HCN1: variants seen among roughly 807,000 people sequenced by gnomAD.
HCN1 encodes hyperpolarization activated cyclic nucleotide gated potassium channel 1.
HCN1 carries 13 observed loss-of-function variants against 78.9 expected under a neutral mutation model. That is an observed-to-expected ratio of 0.16 (90% CI 0.11 to 0.26). HCN1 has a LOEUF of 0.26. Among genes scored for constraint, HCN1 ranks in the 10% least tolerant of loss-of-function variants. The pLI is 1.00. For synonymous variants in HCN1, 552 were observed against 455.5 expected (o/e 1.21, Z -2.70); for missense variants, 810 against 1,154.3 (o/e 0.70, Z 4.32).
intron 2 of HCN1, among the ~76,000 whole-genome samples, chr5:45,583,969 T>C (rs1194446268): frequency 2.6e-5 from 4 of 152,202 alleles, no homozygotes; most frequent in African/African-American, 4.8e-5. Flanking sequence ...AATTTTGGAA[T>C]AGGTGTGGTG....
intron 4 of HCN1, among the ~76,000 whole-genome samples, chr5:45,364,848 G>A (rs1487501832): frequency 1.3e-5 from 2 of 152,056 alleles, no homozygotes; most frequent in Non-Finnish European, 2.9e-5. Flanking sequence ...CAAGATTCTA[G>A]ATGATGCTAA....
At chr5:45,423,797 T>C (rs1345942982) in intron 3 of HCN1, among the ~76,000 whole-genome samples, 1 of 152,140 alleles carries the variant, frequency 6.6e-6, no homozygotes, top group East Asian at 1.9e-4. Flanking sequence ...ACATCTAAAC[T>C]CCAAAATATC....
chr5:45,451,872 A>G (rs1212320179), intron 3 of HCN1, among the ~76,000 whole-genome samples: 1 of 152,084 alleles, frequency 6.6e-6, no homozygotes, highest in Non-Finnish European at 1.5e-5. Context: ...TCAGGATTTT[A>G]GATTATCACA....
chr5:45,527,645 C>T (rs1464684638), intron 2 of HCN1, among the ~76,000 whole-genome samples: 3 of 151,584 alleles, frequency 2.0e-5, no homozygotes, highest in Non-Finnish European at 4.4e-5. Flanking sequence ...CTCTCACACA[C>T]TGACATTCAC....
intron 6 of HCN1, among the ~76,000 whole-genome samples, chr5:45,295,856 G>A (rs149638438): frequency 4.6e-5 from 7 of 152,086 alleles, no homozygotes; most frequent in Admixed American, 4.6e-4. Flanking sequence ...TGTTATTGAT[G>A]TCAAGATTTC....
chr5:45,625,841 T>C (rs1243042348), intron 2 of HCN1, among the ~76,000 whole-genome samples: 1 of 152,176 alleles, frequency 6.6e-6, no homozygotes, highest in Non-Finnish European at 1.5e-5. Context: ...ATTCATTGTC[T>C]TATTAGGACA....
At chr5:45,489,658 C>A (rs1255651449) in intron 2 of HCN1, among the ~76,000 whole-genome samples, 1 of 152,100 alleles carries the variant, frequency 6.6e-6, no homozygotes, top group Non-Finnish European at 1.5e-5. Context: ...AGTAAAGGCA[C>A]CAAAGTATTT....
chr5:45,311,367 T>C (rs2111916952), intron 5 of HCN1, among the ~76,000 whole-genome samples: 1 of 152,306 alleles, frequency 6.6e-6, no homozygotes, highest in Non-Finnish European at 1.5e-5. Flanking sequence ...AAAGGGTGGA[T>C]TTCAAATGTT....
chr5:45,512,636 A>C (rs1033919085), intron 2 of HCN1, among the ~76,000 whole-genome samples: 1 of 152,104 alleles, frequency 6.6e-6, no homozygotes, highest in Admixed American at 6.6e-5. Flanking sequence ...CTTTAAAAAA[A>C]TATTACTCTA....
intron 4 of HCN1, among the ~76,000 whole-genome samples, chr5:45,356,072 C>A (rs1391363616): frequency 6.6e-6 from 1 of 151,872 alleles, no homozygotes; most frequent in Admixed American, 6.6e-5. Context: ...TTGAAAAAGA[C>A]ACTTAGTAGT....
At chr5:45,328,411 C>T (rs1357165546) in intron 5 of HCN1, among the ~76,000 whole-genome samples, 1 of 151,544 alleles carries the variant, frequency 6.6e-6, no homozygotes, top group East Asian at 1.9e-4. Context: ...ATACGAATGA[C>T]CAGCATCACT....
intron 2 of HCN1, among the ~76,000 whole-genome samples, chr5:45,555,443 A>G (rs1743449968): frequency 6.6e-6 from 1 of 151,912 alleles, no homozygotes; most frequent in Non-Finnish European, 1.5e-5. Context: ...TGAAAGCATC[A>G]ATATTATTAA....
intron 2 of HCN1, chr5:45,559,219 A>T (rs1743546700): frequency 6.6e-6 from 1 of 152,092 alleles, no homozygotes; most frequent in Non-Finnish European, 1.5e-5. Context: ...AAGGAAATTA[A>T]TGCTGTTTTC....
chr5:45,539,162 A>G (rs934439204), intron 2 of HCN1, among the ~76,000 whole-genome samples: 10 of 152,166 alleles, frequency 6.6e-5, no homozygotes, highest in Non-Finnish European at 1.5e-4. Context: ...TGCGGATGAT[A>G]ATATCTACTT....
intron 3 of HCN1, among the ~76,000 whole-genome samples, chr5:45,432,634 C>T (rs937955750): frequency 6.6e-6 from 1 of 152,124 alleles, no homozygotes; most frequent in African/African-American, 2.4e-5. Flanking sequence ...TCATAGATGG[C>T]TCCTACTATT....
rs183903231 is a variant in HCN1 at position 45,452,329 on chromosome 5, T to G, written c.1011+9517A>C. 4.0e-4 allele frequency among the ~76,000 whole-genome samples: 60 copies of G among 151,558 alleles called. 1 individual carries two copies. The highest frequency in any genetic ancestry group is 2.3e-3 in the South Asian group (11 of 4,816). On this transcript the variant is annotated intron_variant, in intron 3 of 7. Transcript: ENST00000303230. ...CTAGAAGGGTATTTAGTTTTTTTTT[T>G]TTGTTTTTTTTTTTAGGTTCCAGGG...
At chr5:45,435,240 T>C (rs1252302340) in intron 3 of HCN1, among the ~76,000 whole-genome samples, 1 of 152,128 alleles carries the variant, frequency 6.6e-6, no homozygotes, top group Non-Finnish European at 1.5e-5. Context: ...AGTTCCCCAA[T>C]GTATTGATAC....
intron 3 of HCN1, among the ~76,000 whole-genome samples, chr5:45,435,569 G>T (rs987754792): frequency 6.6e-6 from 1 of 152,074 alleles, no homozygotes; most frequent in Admixed American, 6.6e-5. Flanking sequence ...TAATGACAAT[G>T]ACTCAATGTA....
intron 3 of HCN1, among the ~76,000 whole-genome samples, chr5:45,398,651 A>T (rs1187275943): frequency 6.6e-6 from 1 of 152,192 alleles, no homozygotes; most frequent in Non-Finnish European, 1.5e-5. Context: ...CGTGCAAAAA[A>T]TTGAAAGTAG....
Sources: gnomAD v4.1 joint callset for allele counts (sites outside exome capture counted in the v4.1 genomes callset) on GRCh38, gnomAD v4.1.1 for gene constraint, MANE v1.5 for transcripts, NCBI Gene and HGNC (gene_info 2026-07-23, HGNC 2026-07-21) for gene names.